CD47: variants seen among roughly 807,000 people sequenced by gnomAD.
CD47 encodes CD47 molecule.
A neutral mutation model predicts 44.6 loss-of-function variants in CD47; 11 were observed. That is an observed-to-expected ratio of 0.25 (90% CI 0.16 to 0.41). CD47 has a LOEUF of 0.41. CD47 is among the 10% of genes least tolerant of loss of function. The pLI is 1.00. For missense variants in CD47, 306 were observed against 386.7 expected (o/e 0.79, Z 1.75); for synonymous variants, 140 against 136.3 (o/e 1.03, Z -0.19).
rs141183424 is a variant in CD47, at chr3:108,079,642, G to C, written c.400+349C>G. ...TAATTGGAAAGAGACTTGAAAATTA[G>C]TCACAGGAAAGAAAGCACTTGGATG... is the stretch of plus-strand genomic sequence containing the variant. On this transcript the variant is annotated intron_variant, in intron 2 of 10. Transcript: ENST00000361309. 3.5e-3 allele frequency among the ~76,000 whole-genome samples: 492 copies of C among 138,794 alleles called. 5 individuals carry two copies. Among genetic ancestry groups the C allele is most frequent in the African/African-American group, 0.013 (470 of 37,192 alleles). The allele number at this position is 138,794 out of a possible 152,430, so 91.1% of individuals were successfully genotyped here.
At chr3:108,062,663 CAG>C (rs1310812626) in intron 3 of CD47, among the ~76,000 whole-genome samples, 1 of 144,540 alleles carries the variant, frequency 6.9e-6, no homozygotes, top group East Asian at 2.0e-4. Context: ...TTTTTGGAGA[CAG>C]AGTCTCTCAC....
intron 7 of CD47, chr3:108,055,678 T>C: frequency 2.0e-6 from 1 of 501,786 alleles, no homozygotes; most frequent in Non-Finnish European, 3.6e-6. Flanking sequence ...AATTTTAGCA[T>C]ATAGTATACT....
At position 108,058,424 on chromosome 3, in the gene CD47, C is replaced by A; in HGVS notation, c.697G>T (p.Gly233Ter). ...LHYYVFSTAIGLTSFVIAILV... is the reference protein window; with the variant it reads ...LHYYVFSTAI ...ATGGCAATGACGAAGGAGGTTAATC[C>A]AATCGCTGGAGGAAGGAAAAGGATG... is the stretch of plus-strand genomic sequence containing the variant. The change falls in exon 6 of 11, where the codon GGA becomes TGA. Residue 233 changes from glycine to a stop codon, truncating the protein, a stop_gained. Coordinates refer to ENST00000361309, the MANE Select transcript of CD47 (RefSeq NM_001777.4). LOFTEE classifies it high-confidence loss of function. 6.4e-7 allele frequency: 1 copy of A among 1,557,260 alleles called. No individual in the cohort carries two copies. Among genetic ancestry groups the A allele is most frequent in the Non-Finnish European group, 8.7e-7 (1 of 1,148,014 alleles).
intron 3 of CD47, among the ~76,000 whole-genome samples, chr3:108,069,599 T>C (rs533461021): frequency 6.6e-6 from 1 of 151,988 alleles, no homozygotes; most frequent in African/African-American, 2.4e-5. Context: ...AGAAAAAATA[T>C]TGTAAAGCTC....
intron 5 of CD47, 22 bp downstream of exon 5, chr3:108,059,430 T>A: frequency 8.6e-7 from 1 of 1,164,608 alleles, no homozygotes; most frequent in Non-Finnish European, 1.2e-6. Context: ...GACAAAATCA[T>A]ACTGTAACAA....
intron 1 of CD47, among the ~76,000 whole-genome samples, chr3:108,089,743 C>CA (rs1042662206): frequency 6.6e-6 from 1 of 152,088 alleles, no homozygotes; most frequent in African/African-American, 2.4e-5. Context: ...CCTAAAGTCA[C>CA]AAGCCTTTAG....
In CD47 at chr3:108,079,874, TTAA is replaced by T; in HGVS notation, c.400+114_400+116del. On this transcript the variant is annotated intron_variant, in intron 2 of 10. Coordinates refer to ENST00000361309, the MANE Select transcript of CD47 (RefSeq NM_001777.4). ...TTGCTAAACATTACATCAACATTTA[TTAA>T]TAACAGCCTGCTTTTTGATTCAAAG... The T allele has an allele frequency of 6.3e-6, 4 of 639,652 alleles. No homozygotes were observed. The South Asian group carries it at 8.5e-5, about 14-fold the overall frequency. 39.6% of individuals were successfully genotyped at this position (639,652 alleles called of 1,614,324 possible).
At chr3:108,079,567 TAAAAAAAAAAAAA>T (rs71629342) in intron 2 of CD47, among the ~76,000 whole-genome samples, 5 of 53,116 alleles carry the variant, frequency 9.4e-5, no homozygotes, top group Non-Finnish European at 1.3e-4. Context: ...AGTGTAAGGT[TAAAAAAAAAAAAA>T]AAAAAAAAAA....
chr3:108,079,019 A>G (rs1410538547), intron 2 of CD47, among the ~76,000 whole-genome samples: 1 of 152,054 alleles, frequency 6.6e-6, no homozygotes, highest in African/African-American at 2.4e-5. Flanking sequence ...CTGATTCTCA[A>G]TCCTAAGTAA....
At chr3:108,066,893 G>T (rs549740853) in intron 3 of CD47, among the ~76,000 whole-genome samples, 44 of 152,082 alleles carry the variant, frequency 2.9e-4, no homozygotes, top group Non-Finnish European at 3.5e-4. Context: ...ATGTCCCAGA[G>T]GAAGTGACTG....
chr3:108,079,567 T>TAAAAAAAAAAAAAAAAAAAAAAAAAA (rs71629342), intron 2 of CD47, among the ~76,000 whole-genome samples: 1 of 53,102 alleles, frequency 1.9e-5, no homozygotes. Flanking sequence ...AGTGTAAGGT[T>TAAAAAAAAAAAAAAAAAAAAAAAAAA]AAAAAAAAAA....
intron 1 of CD47, among the ~76,000 whole-genome samples, chr3:108,088,381 A>G (rs1452429694): frequency 6.6e-6 from 1 of 152,246 alleles, no homozygotes; most frequent in East Asian, 1.9e-4. Context: ...CACAGATGAC[A>G]GCATGAGCAA....
intron 1 of CD47, among the ~76,000 whole-genome samples, chr3:108,084,204 C>T (rs1021376788): frequency 7.2e-5 from 11 of 152,056 alleles, no homozygotes; most frequent in African/African-American, 2.7e-4. Context: ...CACCCATTCA[C>T]CCCTACTTCT....
intron 1 of CD47, among the ~76,000 whole-genome samples, chr3:108,082,729 G>T (rs745635349): frequency 6.6e-6 from 1 of 151,982 alleles, no homozygotes; most frequent in Non-Finnish European, 1.5e-5. Flanking sequence ...CATATGTTTA[G>T]AGAATGAATT....
chr3:108,058,450 T>C, intron 5 of CD47, 21 bp from the exon 6 acceptor site: 1 of 1,480,020 alleles, frequency 6.8e-7, no homozygotes. Context: ...GAAAAGGATG[T>C]AACAGAAGCA....
At chr3:108,063,823 A>C (rs2108241593) in intron 3 of CD47, among the ~76,000 whole-genome samples, 1 of 152,332 alleles carries the variant, frequency 6.6e-6, no homozygotes, top group African/African-American at 2.4e-5. Context: ...CAACTACTGA[A>C]ATCAATACAC....
In CD47 at chr3:108,051,953, T is replaced by C. The variant is rs2078836270; in HGVS notation, c.895A>G (p.Ile299Val). The change falls in exon 8 of 11, where the codon ATA (isoleucine) becomes GTA (valine). Residue 299 changes from isoleucine to valine, a missense_variant. Coordinates refer to ENST00000361309, the MANE Select transcript of CD47 (RefSeq NM_001777.4). The part of the protein sequence containing the change: ...MKFVASNQKT[I>V]QPPRKAVEEP... ...CTTTAACTTACCCTAGGAGGTTGTA[T>C]AGTCTTCTGATTGGAAGCTGATATA... 2 of 1,459,258 alleles carry C rather than the reference T, an allele frequency of 1.4e-6. No homozygotes were observed. Among genetic ancestry groups the C allele is most frequent in the Admixed American group, 1.7e-5 (1 of 59,176 alleles). The allele number at this position is 1,459,258 out of a possible 1,614,324, so 90.4% of individuals were successfully genotyped here.
chr3:108,058,576 G>A (rs569393255), intron 5 of CD47, 147 bp from the exon 6 acceptor site: 1 of 517,606 alleles, frequency 1.9e-6, no homozygotes, highest in Non-Finnish European at 3.4e-6. Flanking sequence ...TTAACTCAGT[G>A]ATCTAACCCT....
At chr3:108,075,194 T>C (rs2079287631) in intron 2 of CD47, among the ~76,000 whole-genome samples, 1 of 152,202 alleles carries the variant, frequency 6.6e-6, no homozygotes, top group South Asian at 2.1e-4. Context: ...TCTCCTCCAA[T>C]TCCTGGACAG....
Sources: allele counts gnomAD v4.1 joint callset (sites outside exome capture counted in the v4.1 genomes callset), GRCh38; gene constraint gnomAD v4.1.1; transcripts MANE v1.5; gene names NCBI Gene and HGNC (gene_info 2026-07-23, HGNC 2026-07-21).